The following LRP1B variants were observed in gnomAD, a reference collection of about 807,000 sequenced individuals.
LRP1B encodes LDL receptor related protein 1B, also known as low-density lipoprotein receptor-related protein 1B.
LRP1B carries 217 observed loss-of-function variants against 556.6 expected under a neutral mutation model. The observed-to-expected ratio is 0.39, with a 90% CI of 0.35 to 0.44. The LOEUF (loss-of-function observed/expected upper bound fraction) is 0.44, where lower values mean the gene tolerates loss of function less well. Ranked by LOEUF, LRP1B falls within the 20% of genes least tolerant of loss-of-function variation. The pLI is 1.00. For synonymous variants in LRP1B, 2,047 were observed against 1,865.8 expected, an observed-to-expected ratio of 1.10 and a Z score of -2.50; for missense variants, 5,053 against 5,620.8, an observed-to-expected ratio of 0.90 and a Z score of 3.23.
intron 2 of LRP1B, among the ~76,000 whole-genome samples, chr2:141,662,569 C>A (rs1690261418): frequency 6.6e-6 from 1 of 151,770 alleles, no homozygotes; most frequent in African/African-American, 2.4e-5. Flanking sequence ...CAACAGAGAT[C>A]AAAAAAGACA....
intron 35 of LRP1B, among the ~76,000 whole-genome samples, chr2:140,739,877 A>G (rs892724847): frequency 3.3e-5 from 5 of 152,180 alleles, no homozygotes; most frequent in Non-Finnish European, 5.9e-5. Context: ...TGAATGGACA[A>G]TTCTCAAAAG....
chr2:141,599,688 T>A (rs1396568237), intron 2 of LRP1B, among the ~76,000 whole-genome samples: 1 of 152,158 alleles, frequency 6.6e-6, no homozygotes, highest in African/African-American at 2.4e-5. Context: ...TATGTCTCCA[T>A]GTCAGATCTG....
At chr2:141,923,444 A>G (rs1231093598) in intron 1 of LRP1B, among the ~76,000 whole-genome samples, 3 of 64,330 alleles carry the variant, frequency 4.7e-5, no homozygotes, top group Admixed American at 1.9e-4. Context: ...GATTATATAT[A>G]TATGTGTGTG....
At chr2:140,417,780 G>A (rs551281483) in intron 66 of LRP1B, among the ~76,000 whole-genome samples, 37 of 152,296 alleles carry the variant, frequency 2.4e-4, no homozygotes, top group African/African-American at 8.2e-4. Flanking sequence ...GCCAAAAAAT[G>A]TCATCTGAAC....
chr2:141,814,545 T>A (rs1696466922), intron 1 of LRP1B, among the ~76,000 whole-genome samples: 1 of 152,172 alleles, frequency 6.6e-6, no homozygotes, highest in African/African-American at 2.4e-5. Flanking sequence ...ACATGTTGGT[T>A]GAATGGAATT....
At chr2:141,889,432 A>G (rs1444528112) in intron 1 of LRP1B, among the ~76,000 whole-genome samples, 5 of 152,298 alleles carry the variant, frequency 3.3e-5, no homozygotes, top group Admixed American at 3.3e-4. Context: ...ATGAACATAA[A>G]TGGATGGAAA....
At chr2:140,484,468 C>G (rs1234439738) in intron 59 of LRP1B, among the ~76,000 whole-genome samples, 1 of 151,948 alleles carries the variant, frequency 6.6e-6, no homozygotes, top group South Asian at 2.1e-4. Flanking sequence ...ATTTGGAGTA[C>G]CAAAGTTATC....
At chr2:141,161,810 T>G (rs1680045804) in intron 7 of LRP1B, among the ~76,000 whole-genome samples, 1 of 152,118 alleles carries the variant, frequency 6.6e-6, no homozygotes, top group South Asian at 2.1e-4. Flanking sequence ...ACAAGCTCAC[T>G]ATATGCACAG....
At chr2:141,182,770 C>T (rs1460346545) in intron 7 of LRP1B, among the ~76,000 whole-genome samples, 1 of 151,524 alleles carries the variant, frequency 6.6e-6, no homozygotes, top group Non-Finnish European at 1.5e-5. Context: ...AGCTAAGTCA[C>T]ATTGCTGGTT....
intron 20 of LRP1B, among the ~76,000 whole-genome samples, chr2:140,924,944 A>T (rs562109881): frequency 2.0e-5 from 3 of 152,242 alleles, no homozygotes; most frequent in South Asian, 2.1e-4. Context: ...ATATTCAATG[A>T]TTCAAACAAA....
At chr2:141,411,720 C>T (rs1051658714) in intron 3 of LRP1B, among the ~76,000 whole-genome samples, 19 of 151,924 alleles carry the variant, frequency 1.3e-4, no homozygotes, top group African/African-American at 4.6e-4. Context: ...CCTCTGACTT[C>T]CAGTGTCAAA....
chr2:140,387,929 ACTTT>A (rs2105202901), intron 66 of LRP1B, among the ~76,000 whole-genome samples: 1 of 144,968 alleles, frequency 6.9e-6, no homozygotes, highest in Admixed American at 6.9e-5. Flanking sequence ...TGTTGCTTGT[ACTTT>A]CTTTTTTTTT....
chr2:141,814,050 A>T (rs1696448965), intron 1 of LRP1B, among the ~76,000 whole-genome samples: 1 of 152,172 alleles, frequency 6.6e-6, no homozygotes, highest in South Asian at 2.1e-4. Context: ...GCCCGCAACC[A>T]ATTGAGAGCT....
intron 3 of LRP1B, 175 bp downstream of exon 3, chr2:141,480,221 C>A: frequency 6.1e-6 from 4 of 661,058 alleles, no homozygotes; most frequent in Non-Finnish European, 1.1e-5. Context: ...TTTGCTCAAA[C>A]ATAATACTTG....
intron 1 of LRP1B, among the ~76,000 whole-genome samples, chr2:141,889,167 A>G (rs779679618): frequency 5.9e-5 from 9 of 152,082 alleles, no homozygotes; most frequent in Non-Finnish European, 8.8e-5. Context: ...CACTCTACAT[A>G]ATAATGCTTA....
chr2:141,818,531 C>CTTTTTTTTTTTTTTTT (rs70994453), intron 1 of LRP1B, among the ~76,000 whole-genome samples: 2 of 82,070 alleles, frequency 2.4e-5, no homozygotes, highest in Non-Finnish European at 4.3e-5. Context: ...ATTTCTGTAT[C>CTTTTTTTTTTTTTTTT]TTTTTTTTTT....
chr2:141,742,569 AGCATTT>A (rs1558843573), intron 2 of LRP1B, among the ~76,000 whole-genome samples: 2 of 151,968 alleles, frequency 1.3e-5, no homozygotes, highest in African/African-American at 2.4e-5. Context: ...TTCTGTCCTT[AGCATTT>A]GCTCAGTAAA....
Position 140,457,519 on chromosome 2 carries a change from T to A in LRP1B, c.9758A>T (p.Tyr3253Phe). 6.2e-7 allele frequency: 1 copy of A among 1,613,840 alleles called. No individual in the cohort carries two copies. The change falls in exon 61 of 91, where the codon TAC (tyrosine) becomes TTC (phenylalanine). Residue 3253 changes from tyrosine to phenylalanine, a missense_variant. By Grantham distance (22) the Tyr-to-Phe change is conservative. This residue lies in a region of LRP1B where 262 missense variants were observed against 395.1 expected (regional missense o/e 0.66). Coordinates refer to ENST00000389484, the MANE Select transcript of LRP1B (RefSeq NM_018557.3). ...TSGADRLSLI[Y>F]SWHAITDIQV... ...GATATCTGTGATGGCATGCCATGAG[T>A]AAATCAGTGAGAGTCTGTCTGCTCC...
chr2:141,000,116 A>C (rs1011949752), intron 15 of LRP1B, among the ~76,000 whole-genome samples: 6 of 151,504 alleles, frequency 4.0e-5, no homozygotes, highest in African/African-American at 1.5e-4. Context: ...ACAAGATCTC[A>C]CTATGTTCCC....
Sources: gnomAD v4.1 joint callset for allele counts (sites outside exome capture counted in the v4.1 genomes callset) on GRCh38, gnomAD v4.1.1 for gene constraint, gnomAD v4.1.1 regional missense constraint, MANE v1.5 for transcripts, NCBI Gene and HGNC (gene_info 2026-07-23, HGNC 2026-07-21) for gene names.